Variants in ZNF8 observed in about 807,000 individuals in gnomAD.
The protein encoded by ZNF8 is zinc finger protein 272.
A neutral mutation model predicts 12.2 loss-of-function variants in ZNF8; 9 were observed. The ratio of observed to expected loss-of-function variants is 0.73; its 90% confidence interval spans 0.44 to 1.28. The LOEUF is 1.28. Among genes scored for constraint, ZNF8 ranks in the 50% most tolerant of loss-of-function variants. ZNF8 has a pLI of 0.00. For synonymous variants in ZNF8, 274 were observed against 282.3 expected, an observed-to-expected ratio of 0.97 and a Z score of 0.30; for missense variants, 664 against 729.1, an observed-to-expected ratio of 0.91 and a Z score of 1.03.
intron 1 of ZNF8, among the ~76,000 whole-genome samples, chr19:58,284,296 G>A (rs1215683571): frequency 1.3e-5 from 2 of 152,162 alleles, no homozygotes; most frequent in Non-Finnish European, 2.9e-5. Flanking sequence ...GCTGGGACAG[G>A]GACTATCTTT....
chr19:58,294,320 A>G lies in ZNF8; in HGVS notation c.512A>G (p.Gln171Arg), dbSNP rs1438183059. ...FGLKEAPVQDQGYKTLRLREN... is the reference protein window; with the variant it reads ...FGLKEAPVQDRGYKTLRLREN... ...CTCAAGGAAGCACCAGTTCAAGATC[A>G]AGGCTACAAAACTCTCAGACTCAGG... The change falls in exon 4 of 4, where the codon CAA becomes CGA. Residue 171 changes from glutamine to arginine, a missense_variant. Gln to Arg is a conservative substitution (Grantham distance 43). Coordinates refer to ENST00000621650, the MANE Select transcript of ZNF8 (RefSeq NM_021089.3). The surrounding 1 kb of genome is among the most constrained non-coding windows in gnomAD (Gnocchi z 5.5). The G allele has an allele frequency of 6.2e-7, 1 of 1,614,140 alleles. No homozygotes were observed. Among genetic ancestry groups the G allele is most frequent in the East Asian group, 2.2e-5 (1 of 44,888 alleles).
rs147895869 is a variant in ZNF8 at position 58,294,418 on chromosome 19, G to A, written c.610G>A (p.Asp204Asn). 7.0e-5 allele frequency: 113 copies of A among 1,614,006 alleles called. No homozygotes were observed. In the African/African-American group the frequency reaches 8.0e-4, roughly 11 times the overall value. Residue 204 changes from aspartate to asparagine, a missense_variant, in exon 4 of 4, where the codon GAC (aspartate) becomes AAC (asparagine). Physicochemically the swap from Asp to Asn is conservative, Grantham distance 23 (BLOSUM62 1). Coordinates refer to ENST00000621650, the MANE Select transcript of ZNF8 (RefSeq NM_021089.3). The surrounding 1 kb of genome is among the most constrained non-coding windows in gnomAD (Gnocchi z 5.5). ...ISRGEYLYTYDSQITDSEHNS... is the reference protein window; with the variant it reads ...ISRGEYLYTYNSQITDSEHNS... ...TAGAGGGGAGTATTTGTATACTTACGACTCACAGATTACAGACTCAGAACA... is the reference window on the plus strand; with the variant it reads ...TAGAGGGGAGTATTTGTATACTTACAACTCACAGATTACAGACTCAGAACA...
At chr19:58,290,331 G>T (rs989735682) in intron 3 of ZNF8, among the ~76,000 whole-genome samples, 2 of 149,636 alleles carry the variant, frequency 1.3e-5, no homozygotes, top group African/African-American at 4.9e-5. Flanking sequence ...GGCCAGGATG[G>T]TCTCTATCTC....
In ZNF8 at chr19:58,295,087, T is replaced by G. The variant is rs983893860; in HGVS notation, c.1279T>G (p.Cys427Gly). 2 of 1,613,964 alleles carry G rather than the reference T, an allele frequency of 1.2e-6. No homozygotes were observed. Among genetic ancestry groups the G allele is most frequent in the Non-Finnish European group, 1.7e-6 (2 of 1,180,000 alleles). Residue 427 changes from cysteine to glycine, a missense_variant, in exon 4 of 4, where the codon TGC becomes GGC. Coordinates refer to ENST00000621650, the MANE Select transcript of ZNF8 (RefSeq NM_021089.3). ...GCACGCGGGGGAGAAGCCCTTTGAG[T>G]GCCGCCAGAGGCTGATCTTTGAGCA... ...RKHAGEKPFE[C>G]RQRLIFEQTP...
chr19:58,281,892 C>T (rs1448884278), intron 1 of ZNF8, among the ~76,000 whole-genome samples: 1 of 152,138 alleles, frequency 6.6e-6, no homozygotes, highest in Non-Finnish European at 1.5e-5. Context: ...GCAGATGGAT[C>T]ACTTCAGGTT....
chr19:58,283,357 G>A (rs1440044423), intron 1 of ZNF8, among the ~76,000 whole-genome samples: 2 of 152,152 alleles, frequency 1.3e-5, no homozygotes, highest in Non-Finnish European at 1.5e-5. Flanking sequence ...AATTTCATGT[G>A]TTGATAGTAT....
rs2051451633 is a variant in ZNF8 at position 58,295,863 on chromosome 19, G to A, written c.*327G>A. The A allele has an allele frequency of 1.1e-5, 3 of 275,056 alleles. No individual in the cohort carries two copies. Among genetic ancestry groups the A allele is most frequent in the Admixed American group, 4.9e-5 (1 of 20,402 alleles). 17.0% of individuals were successfully genotyped at this position (275,056 alleles called of 1,614,324 possible). A position where few individuals can be genotyped will look rare whatever the true frequency, so the allele number is the denominator to read the frequency against. On this transcript the variant is annotated 3_prime_UTR_variant, in exon 4 of 4. Coordinates refer to ENST00000621650, the MANE Select transcript of ZNF8 (RefSeq NM_021089.3). ...ATCATTAAAATGAAAGTAATTTATG[G>A]TAGAGTAAATTGTAGAGTAACGTGT... is the stretch of plus-strand genomic sequence containing the variant.
At chr19:58,290,591 C>T (rs892844454) in intron 3 of ZNF8, among the ~76,000 whole-genome samples, 3 of 152,030 alleles carry the variant, frequency 2.0e-5, no homozygotes, top group South Asian at 2.1e-4. Context: ...AAGACCGCGT[C>T]TCTACAAAAA....
intron 3 of ZNF8, among the ~76,000 whole-genome samples, chr19:58,290,108 CTTTTTTTTTTT>C (rs773199651): frequency 2.7e-5 from 2 of 73,424 alleles, no homozygotes; most frequent in African/African-American, 5.8e-5. Flanking sequence ...TTTCAAGATT[CTTTTTTTTTTT>C]TTTTTTTTTT....
intron 3 of ZNF8, among the ~76,000 whole-genome samples, chr19:58,287,075 T>G (rs1315130154): frequency 6.6e-6 from 1 of 152,228 alleles, no homozygotes; most frequent in Non-Finnish European, 1.5e-5. Context: ...GGTCTCACTC[T>G]ATCGCCTAGG....
intron 3 of ZNF8, among the ~76,000 whole-genome samples, chr19:58,291,932 C>T (rs908567928): frequency 1.3e-5 from 2 of 151,608 alleles, no homozygotes; most frequent in Non-Finnish European, 2.9e-5. Context: ...GCAGAGTGGG[C>T]GTGGGGCAAG....
rs1231351713 is a variant in ZNF8, at chr19:58,294,594, T to C, written c.786T>C (p.Cys262=). ...VQDKPYKCTD[C]GKSFNHNAHL... The stretch of plus-strand genomic sequence containing the variant: ...ACAAACCCTACAAATGTACTGACTG[T>C]GGGAAGTCGTTTAACCATAACGCAC... The change falls in exon 4 of 4, where the codon TGT becomes TGC. Residue 262 remains cysteine (C), a synonymous_variant. Coordinates refer to ENST00000621650, the MANE Select transcript of ZNF8 (RefSeq NM_021089.3). The surrounding 1 kb of genome is among the most constrained non-coding windows in gnomAD (Gnocchi z 5.5). 7 of 1,613,958 alleles carry C rather than the reference T, an allele frequency of 4.3e-6. No homozygotes were observed. Among genetic ancestry groups the C allele is most frequent in the Non-Finnish European group, 5.9e-6 (7 of 1,180,020 alleles).
chr19:58,295,391 CA>C lies in ZNF8; in HGVS notation c.1586del (p.Lys529ArgfsTer60). The C allele has an allele frequency of 1.9e-6, 3 of 1,614,140 alleles. No individual in the cohort carries two copies. The highest frequency in any genetic ancestry group is 2.5e-6 in the Non-Finnish European group (3 of 1,180,018). ...TCCAGAAAGAGCTCTGCAGGCGGAG[CA>C]AAGGCAGGGCAGCCGGAAAGCAGAG... is the stretch of plus-strand genomic sequence containing the variant. ...PNSRKSSAGG[A>X]KAGQPESRAL... is the part of the protein sequence containing the mutation. On this transcript the variant is annotated frameshift_variant, in exon 4 of 4. Transcript: ENST00000621650. LOFTEE classifies it low-confidence loss of function (END_TRUNC).
intron 1 of ZNF8, chr19:58,279,521 C>T (rs2051332290): frequency 1.3e-6 from 2 of 1,497,774 alleles, no homozygotes. Flanking sequence ...GTAGCGTTGG[C>T]CGGGTGCCCA....
At chr19:58,293,228 C>T (rs914271425) in intron 3 of ZNF8, among the ~76,000 whole-genome samples, 11 of 152,172 alleles carry the variant, frequency 7.2e-5, no homozygotes, top group South Asian at 2.1e-4. Context: ...CATGAGCCAC[C>T]GGGCCTAGCC....
intron 3 of ZNF8, among the ~76,000 whole-genome samples, chr19:58,293,739 G>A (rs1388875966): frequency 6.6e-6 from 1 of 152,194 alleles, no homozygotes; most frequent in East Asian, 1.9e-4. Flanking sequence ...GAAGATGCAA[G>A]GATTTTCCCC....
intron 3 of ZNF8, among the ~76,000 whole-genome samples, chr19:58,288,859 G>A (rs1432551407): frequency 1.3e-5 from 2 of 152,122 alleles, no homozygotes; most frequent in Admixed American, 6.5e-5. Flanking sequence ...CCCTTTCATC[G>A]GTTGTCACTG....
chr19:58,291,957 A>G (rs2051422087), intron 3 of ZNF8, among the ~76,000 whole-genome samples: 1 of 152,162 alleles, frequency 6.6e-6, no homozygotes, highest in African/African-American at 2.4e-5. Flanking sequence ...AGGAGGTGAG[A>G]CGAGCCAGGG....
Position 58,294,664 on chromosome 19 carries a change from A to T in ZNF8, c.856A>T (p.Met286Leu). The change falls in exon 4 of 4, where the codon ATG becomes TTG. Residue 286 changes from methionine to leucine, a missense_variant. Met to Leu is a conservative substitution (Grantham distance 15). Around this residue, in one of 3 missense-constraint regions of ZNF8, gnomAD observed 133 missense variants for 198.4 expected, o/e 0.67. Transcript: ENST00000621650. This position sits in a 1 kb window ranked among gnomAD's most constrained non-coding sequence, Gnocchi z 5.5. ...GATTCATACGGGAGAAAGACCTTATATGTGCAAGGAGTGTGGGAAAGCCTT... is the reference window on the plus strand; with the variant it reads ...GATTCATACGGGAGAAAGACCTTATTTGTGCAAGGAGTGTGGGAAAGCCTT... ...KRIHTGERPY[M>L]CKECGKAFSQ... The T allele has an allele frequency of 6.2e-7, 1 of 1,614,202 alleles. No homozygotes were observed. Among genetic ancestry groups the T allele is most frequent in the Non-Finnish European group, 8.5e-7 (1 of 1,180,036 alleles).
Sources: gnomAD v4.1 joint callset for allele counts (sites outside exome capture counted in the v4.1 genomes callset) on GRCh38, gnomAD v4.1.1 for gene constraint, gnomAD v4.1.1 regional missense constraint, Gnocchi (gnomAD v3.1) non-coding constraint, MANE v1.5 for transcripts, NCBI Gene and HGNC (gene_info 2026-07-23, HGNC 2026-07-21) for gene names.